PPFIA1: variants seen among roughly 807,000 people sequenced by gnomAD.
PPFIA1 encodes the protein liprin-alpha-1.
A neutral mutation model predicts 149.9 loss-of-function variants in PPFIA1; 25 were observed. The ratio of observed to expected loss-of-function variants is 0.17; its 90% CI spans 0.12 to 0.23. The LOEUF (loss-of-function observed/expected upper bound fraction) is 0.23, where lower values mean the gene tolerates loss of function less well. Among genes scored for constraint, PPFIA1 ranks in the 10% least tolerant of loss-of-function variants. The pLI is 1.00. For missense variants in PPFIA1, 1,362 were observed against 1,506.5 expected (o/e 0.90, Z 1.59); for synonymous variants, 549 against 552.8 (o/e 0.99, Z 0.10).
At chr11:70,343,185 T>C (rs2055462325) in intron 14 of PPFIA1, among the ~76,000 whole-genome samples, 1 of 152,140 alleles carries the variant, frequency 6.6e-6, no homozygotes, top group South Asian at 2.1e-4. Context: ...TGACCTCAGG[T>C]GATCACCCAC....
At chr11:70,279,118 A>G in intron 2 of PPFIA1, 1 of 541,490 alleles carries the variant, frequency 1.8e-6, no homozygotes, top group Non-Finnish European at 3.5e-6. Flanking sequence ...GCGGTGAGGT[A>G]CTCCAGGATG....
At chr11:70,374,257 C>A (rs748699426) in intron 23 of PPFIA1, 3 of 152,194 alleles carry the variant, frequency 2.0e-5, no homozygotes, top group Non-Finnish European at 4.4e-5. Flanking sequence ...GTTCCAGCTC[C>A]TCAGGAGGCT....
At chr11:70,368,150 T>G (rs1442624117) in intron 21 of PPFIA1, among the ~76,000 whole-genome samples, 2 of 151,970 alleles carry the variant, frequency 1.3e-5, no homozygotes, top group Non-Finnish European at 2.9e-5. Context: ...AATAAATAAA[T>G]AAATATCAGG....
chr11:70,371,094 T>C (rs1261038851), intron 21 of PPFIA1, among the ~76,000 whole-genome samples: 1 of 152,214 alleles, frequency 6.6e-6, no homozygotes, highest in African/African-American at 2.4e-5. Flanking sequence ...GTCGCGCTAC[T>C]GCACTCCAGC....
intron 2 of PPFIA1, among the ~76,000 whole-genome samples, chr11:70,273,526 G>T (rs559725271): frequency 2.6e-4 from 39 of 152,234 alleles, no homozygotes; most frequent in African/African-American, 8.9e-4. Context: ...AGGTAGACCC[G>T]CATAAGCACA....
At chr11:70,369,116 G>A (rs1174898523) in intron 21 of PPFIA1, among the ~76,000 whole-genome samples, 2 of 152,072 alleles carry the variant, frequency 1.3e-5, no homozygotes, top group Non-Finnish European at 1.5e-5. Flanking sequence ...TAAGTATGAT[G>A]TTCACTGTAG....
At chr11:70,278,816 G>A in intron 2 of PPFIA1, 1 of 357,186 alleles carries the variant, frequency 2.8e-6, no homozygotes, top group Non-Finnish European at 5.5e-6. Flanking sequence ...AGGCAGAATT[G>A]TGTTTTTCAC....
At chr11:70,310,611 C>T (rs1335634511) in intron 2 of PPFIA1, among the ~76,000 whole-genome samples, 4 of 152,140 alleles carry the variant, frequency 2.6e-5, no homozygotes, top group African/African-American at 7.2e-5. Flanking sequence ...ATGTCCATCT[C>T]TTGACCCCGT....
At chr11:70,375,195 A>C (rs1194583847) in intron 24 of PPFIA1, 102 bp downstream of exon 24, 4 of 417,328 alleles carry the variant, frequency 9.6e-6, no homozygotes, top group East Asian at 9.2e-5. Context: ...AAAAAAAAAA[A>C]AAAAAAACTT....
rs750933310 is a variant in PPFIA1 at position 70,356,236 on chromosome 11, A to G, written c.2564A>G (p.Asn855Ser). The change falls in exon 19 of 28, where the codon AAT becomes AGT. Residue 855 changes from asparagine to serine, a missense_variant. By Grantham distance (46) the Asn-to-Ser change is conservative. Coordinates refer to ENST00000253925, the MANE Select transcript of PPFIA1 (RefSeq NM_003626.5). ...LSKLGGQAEK[N>S]RKLQKKHELL... ...AAATTGGGGGGACAGGCTGAAAAAA[A>G]TCGTAAACTTCAAAAAAAGTAAGCT... 6.2e-7 allele frequency: 1 copy of G among 1,613,676 alleles called. No individual in the cohort carries two copies. The highest frequency in any genetic ancestry group is 8.5e-7 in the Non-Finnish European group (1 of 1,179,826).
intron 2 of PPFIA1, among the ~76,000 whole-genome samples, chr11:70,323,803 C>G (rs1412962283): frequency 6.6e-6 from 1 of 152,166 alleles, no homozygotes; most frequent in African/African-American, 2.4e-5. Context: ...GGGATTCTTG[C>G]AGAAGAAATA....
chr11:70,339,390 T>C lies in PPFIA1; in HGVS notation c.1707+84T>C, dbSNP rs370229907. 1.8e-3 allele frequency: 2,591 copies of C among 1,472,578 alleles called. 3 individuals carry two copies. Among genetic ancestry groups the C allele is most frequent in the Non-Finnish European group, 2.3e-3 (2,500 of 1,087,210 alleles). The allele number at this position is 1,472,578 out of a possible 1,614,324, so 91.2% of individuals were successfully genotyped here. On this transcript the variant is annotated intron_variant, in intron 14 of 27. Transcript: ENST00000253925. ...CTTTCAGACTACTTTGGGATAAAAA[T>C]GTTGATAGGTCATTGCTTTCTTGCC...
chr11:70,352,743 G>GGAGGGGTGCGGAGGGCGGCGTGTT (rs2056132590), intron 16 of PPFIA1, among the ~76,000 whole-genome samples: 1 of 125,072 alleles, frequency 8.0e-6, no homozygotes, highest in Admixed American at 8.4e-5. Context: ...GGCGGCGTGT[G>GGAGGGGTGCGGAGGGCGGCGTGTT]GAGGGGTGGG....
At position 70,270,881 on chromosome 11, in the gene PPFIA1, G is replaced by GGAGCCTCCTCGCCCGCTCCCGCCGGC. The variant is rs2050026798; in HGVS notation, c.-29_-4dup. 1 of 150,856 alleles carries GGAGCCTCCTCGCCCGCTCCCGCCGGC rather than the reference G, an allele frequency of 6.6e-6. No individual in the cohort carries two copies. Among genetic ancestry groups the GGAGCCTCCTCGCCCGCTCCCGCCGGC allele is most frequent in the Admixed American group, 6.6e-5 (1 of 15,158 alleles). The allele number at this position is 150,856 out of a possible 1,614,324, so 9.3% of individuals were successfully genotyped here. A position where few individuals can be genotyped will look rare whatever the true frequency, so the allele number is the denominator to read the frequency against. Reference sequence around the variant, plus strand: ...CGAGCAGCCGCCCGCGAGCCGCCGCGGAGCCTCCTCGCCCGCTCCCGCCGG... The same window carrying GGAGCCTCCTCGCCCGCTCCCGCCGGC: ...CGAGCAGCCGCCCGCGAGCCGCCGCGGAGCCTCCTCGCCCGCTCCCGCCGGCGAGCCTCCTCGCCCGCTCCCGCCGG... On this transcript the variant is annotated 5_prime_UTR_variant, in exon 1 of 28. Coordinates refer to ENST00000253925, the MANE Select transcript of PPFIA1 (RefSeq NM_003626.5).
At chr11:70,363,961 G>T (rs55915603) in intron 21 of PPFIA1, among the ~76,000 whole-genome samples, 21,025 of 152,210 alleles carry the variant, frequency 0.14, 1,623 homozygotes, top group Admixed American at 0.19. Flanking sequence ...CTGGGCTCAA[G>T]CGATCCTCCT....
At chr11:70,300,535 A>ATTT (rs199605338) in intron 2 of PPFIA1, among the ~76,000 whole-genome samples, 1 of 131,306 alleles carries the variant, frequency 7.6e-6, no homozygotes, top group Admixed American at 7.7e-5. Flanking sequence ...TGCCCACCTA[A>ATTT]TTTTTTTTTT....
chr11:70,336,956 C>T (rs1406499787), intron 11 of PPFIA1, among the ~76,000 whole-genome samples: 1 of 152,174 alleles, frequency 6.6e-6, no homozygotes, highest in African/African-American at 2.4e-5. Context: ...AGTCATTATC[C>T]CACTCACCTC....
intron 2 of PPFIA1, among the ~76,000 whole-genome samples, chr11:70,322,783 C>T (rs2054018353): frequency 6.6e-6 from 1 of 152,146 alleles, no homozygotes; most frequent in Non-Finnish European, 1.5e-5. Flanking sequence ...TTAAGCAGTT[C>T]AGTGAATGCT....
At chr11:70,277,945 T>C (rs1002072716) in intron 2 of PPFIA1, among the ~76,000 whole-genome samples, 1 of 152,162 alleles carries the variant, frequency 6.6e-6, no homozygotes, top group Non-Finnish European at 1.5e-5. Context: ...GGAGTCTCGC[T>C]CTGTCGCCGG....
Sources: gnomAD v4.1 joint callset for allele counts (sites outside exome capture counted in the v4.1 genomes callset) on GRCh38, gnomAD v4.1.1 for gene constraint, MANE v1.5 for transcripts, NCBI Gene and HGNC (gene_info 2026-07-23, HGNC 2026-07-21) for gene names.